Variants in PRICKLE1 observed in about 807,000 individuals in gnomAD.
PRICKLE1 encodes prickle planar cell polarity protein 1.
Under a neutral mutation model 70.2 loss-of-function variants are expected in PRICKLE1, and 14 were observed. The ratio of observed to expected loss-of-function variants is 0.20; its 90% CI spans 0.13 to 0.31. The LOEUF is 0.31. Among genes scored for constraint, PRICKLE1 ranks in the 10% least tolerant of loss-of-function variants. The probability of loss-of-function intolerance (pLI) is 1.00; values close to 1 mark genes in which losing one functional copy is unlikely to be tolerated. For missense variants in PRICKLE1, 821 were observed against 1,026.2 expected (o/e 0.80, Z 2.73); for synonymous variants, 357 against 379.9 (o/e 0.94, Z 0.70).
Position 42,464,634 on chromosome 12 carries a change from T to C in PRICKLE1, c.1400A>G (p.Tyr467Cys). Reference protein sequence around the residue: ...QNNQSLASKKYQSDMYWAQSQ... With the variant: ...QNNQSLASKKCQSDMYWAQSQ... ...CTGTGCCCAGTACATATCAGACTGG[T>C]ATTTTTTACTTGCAAGGCTCTGGTT... Residue 467 changes from tyrosine (Y) to cysteine (C), a missense_variant, in exon 7 of 8, where the codon TAC becomes TGC. Tyr to Cys is a radical substitution (Grantham distance 194). Transcript: ENST00000345127. The surrounding 1 kb of genome is among the most constrained non-coding windows in gnomAD (Gnocchi z 4.2). 6.2e-7 allele frequency: 1 copy of C among 1,614,068 alleles called. No homozygotes were observed. Among genetic ancestry groups the C allele is most frequent in the Non-Finnish European group, 8.5e-7 (1 of 1,180,006 alleles).
At chr12:42,531,825 T>A (rs1187508752) in intron 1 of PRICKLE1, among the ~76,000 whole-genome samples, 1 of 152,210 alleles carries the variant, frequency 6.6e-6, no homozygotes, top group Non-Finnish European at 1.5e-5. Flanking sequence ...AGAGCATTAT[T>A]TTTTACTTTC....
At chr12:42,483,617 C>T (rs1325916964) in intron 1 of PRICKLE1, 1 of 151,954 alleles carries the variant, frequency 6.6e-6, no homozygotes, top group Admixed American at 6.6e-5. Context: ...CACTACATTG[C>T]AGCGGACCGC....
intron 1 of PRICKLE1, among the ~76,000 whole-genome samples, chr12:42,570,074 C>G (rs1185277028): frequency 1.3e-5 from 2 of 152,216 alleles, no homozygotes; most frequent in African/African-American, 2.4e-5. Flanking sequence ...GGCTCATTAG[C>G]CAATCTGAAT....
chr12:42,556,833 C>A (rs1940419993), intron 1 of PRICKLE1, among the ~76,000 whole-genome samples: 1 of 152,042 alleles, frequency 6.6e-6, no homozygotes, highest in Admixed American at 6.6e-5. Flanking sequence ...TGTTCTTCAC[C>A]AGTAGTTTTT....
intron 1 of PRICKLE1, among the ~76,000 whole-genome samples, chr12:42,568,074 C>T (rs988881457): frequency 1.3e-5 from 2 of 152,192 alleles, no homozygotes; most frequent in Non-Finnish European, 2.9e-5. Flanking sequence ...AGTAAATTAA[C>T]ATATAAATCA....
chr12:42,482,223 G>T (rs904411725), intron 1 of PRICKLE1, among the ~76,000 whole-genome samples: 2 of 152,224 alleles, frequency 1.3e-5, no homozygotes, highest in Admixed American at 6.5e-5. Context: ...CTAATTTCAT[G>T]CACAAGTACA....
At position 42,458,354 on chromosome 12, in the gene PRICKLE1, GT is replaced by G. The variant is rs1937653851; in HGVS notation, c.*1454del. On this transcript the variant is annotated 3_prime_UTR_variant, in exon 8 of 8. Coordinates refer to ENST00000345127, the MANE Select transcript of PRICKLE1 (RefSeq NM_153026.3). ...GCAAAGATTTATATTCAGAAAGGTAGTTTTGTTATTTATTAAGTGTTTATTA... is the reference window on the plus strand; with the variant it reads ...GCAAAGATTTATATTCAGAAAGGTAGTTTGTTATTTATTAAGTGTTTATTA... The G allele has an allele frequency of 6.6e-6, 1 of 152,214 alleles. No homozygotes were observed. The highest frequency in any genetic ancestry group is 2.4e-5 in the African/African-American group (1 of 41,460). 9.4% of individuals were successfully genotyped at this position (152,214 alleles called of 1,614,324 possible).
At position 42,465,101 on chromosome 12, in the gene PRICKLE1, G is replaced by T. The variant is rs1291662022; in HGVS notation, c.933C>A (p.Asp311Glu). 1 of 1,565,104 alleles carries T rather than the reference G, an allele frequency of 6.4e-7. No individual in the cohort carries two copies. Among genetic ancestry groups the T allele is most frequent in the East Asian group, 2.2e-5 (1 of 44,594 alleles). ...AGTCGGAAGAATCAGAGGCATGGACGTCTTCACCAAGACTGCACGTTTTTG... is the reference window on the plus strand; with the variant it reads ...AGTCGGAAGAATCAGAGGCATGGACTTCTTCACCAAGACTGCACGTTTTTG... ...YCSKTCSLGEDVHASDSSDSA... is the reference protein window; with the variant it reads ...YCSKTCSLGEEVHASDSSDSA... Residue 311 changes from aspartate to glutamate, a missense_variant, in exon 7 of 8, where the codon GAC becomes GAA. Transcript: ENST00000345127.
intron 1 of PRICKLE1, among the ~76,000 whole-genome samples, chr12:42,479,433 T>C (rs1938707031): frequency 6.6e-6 from 1 of 152,196 alleles, no homozygotes; most frequent in Non-Finnish European, 1.5e-5. Context: ...TGTGTAGTGG[T>C]CTATGGAGCA....
rs1482461479 is a variant in PRICKLE1, at chr12:42,459,288, T to TA, written c.*520dup. 1.4e-6 allele frequency: 1 copy of TA among 701,996 alleles called. No homozygotes were observed. The highest frequency in any genetic ancestry group is 2.6e-6 in the Non-Finnish European group (1 of 384,872). 43.5% of individuals were successfully genotyped at this position (701,996 alleles called of 1,614,324 possible). A position where few individuals can be genotyped will look rare whatever the true frequency, so the allele number is the denominator to read the frequency against. Reference sequence around the variant, plus strand: ...TTTTTCAATCTGTAGCTGGCGCTGATACAATACAATGTTTACCTGGCCAAA... The same window carrying TA: ...TTTTTCAATCTGTAGCTGGCGCTGATAACAATACAATGTTTACCTGGCCAAA... On this transcript the variant is annotated 3_prime_UTR_variant, in exon 8 of 8. Transcript: ENST00000345127.
intron 1 of PRICKLE1, among the ~76,000 whole-genome samples, chr12:42,491,598 C>T (rs1168515357): frequency 6.6e-6 from 1 of 151,924 alleles, no homozygotes; most frequent in African/African-American, 2.4e-5. Flanking sequence ...AGGGGCCTAT[C>T]ATTATAAAAG....
intron 1 of PRICKLE1, among the ~76,000 whole-genome samples, chr12:42,513,745 C>A (rs1359410066): frequency 6.6e-6 from 1 of 152,212 alleles, no homozygotes; most frequent in East Asian, 1.9e-4. Context: ...CCTGCAATCC[C>A]AGCACTTTGG....
intron 1 of PRICKLE1, among the ~76,000 whole-genome samples, chr12:42,524,103 C>T (rs79269361): frequency 0.011 from 1,622 of 152,266 alleles, 17 homozygotes; most frequent in Non-Finnish European, 0.017. Flanking sequence ...ATGGCCTGTG[C>T]AATACAGGTA....
chr12:42,563,682 GAC>G (rs1940567853), intron 1 of PRICKLE1, among the ~76,000 whole-genome samples: 1 of 111,284 alleles, frequency 9.0e-6, no homozygotes, highest in African/African-American at 3.4e-5. Context: ...CAGCCTGGGT[GAC>G]AGAGCAAGAC....
intron 1 of PRICKLE1, among the ~76,000 whole-genome samples, chr12:42,533,059 T>C (rs1939949245): frequency 6.6e-6 from 1 of 152,070 alleles, no homozygotes; most frequent in South Asian, 2.1e-4. Context: ...AGAAAATCAT[T>C]AATGAGATAT....
At chr12:42,468,149 G>GA (rs920677947) in intron 5 of PRICKLE1, among the ~76,000 whole-genome samples, 2 of 152,124 alleles carry the variant, frequency 1.3e-5, no homozygotes, top group Non-Finnish European at 2.9e-5. Context: ...AAGCTAAAGG[G>GA]AAAAAATTTT....
intron 1 of PRICKLE1, among the ~76,000 whole-genome samples, chr12:42,518,540 T>TAAC (rs763178579): frequency 1.3e-5 from 2 of 152,228 alleles, no homozygotes; most frequent in African/African-American, 2.4e-5. Flanking sequence ...GTCCTGACAC[T>TAAC]AACAACAGCT....
intron 6 of PRICKLE1, chr12:42,465,747 G>T (rs927634945): frequency 2.1e-5 from 6 of 284,724 alleles, no homozygotes; most frequent in African/African-American, 1.3e-4. Flanking sequence ...ACAGAGAAAA[G>T]ACATGTATTA....
At chr12:42,478,193 C>T (rs1046344379) in intron 1 of PRICKLE1, among the ~76,000 whole-genome samples, 2 of 152,030 alleles carry the variant, frequency 1.3e-5, no homozygotes, top group Non-Finnish European at 2.9e-5. Context: ...TTTACCTAAC[C>T]ACAGCTCAAA....
Sources: gnomAD v4.1 joint callset for allele counts (sites outside exome capture counted in the v4.1 genomes callset) on GRCh38, gnomAD v4.1.1 for gene constraint, Gnocchi (gnomAD v3.1) non-coding constraint, MANE v1.5 for transcripts, NCBI Gene and HGNC (gene_info 2026-07-23, HGNC 2026-07-21) for gene names.